STARD13: variants seen among roughly 807,000 people sequenced by gnomAD.
STARD13 encodes StAR related lipid transfer domain containing 13.
In STARD13, 62 loss-of-function variants were observed where a neutral mutation model predicts 106.4. The observed-to-expected ratio is 0.58, with a 90% CI of 0.48 to 0.72. STARD13 has a LOEUF of 0.72. STARD13 is among the 30% of genes least tolerant of loss of function. The pLI, the probability that STARD13 is intolerant of heterozygous loss-of-function variation, is 0.00. For missense variants in STARD13, 1,387 were observed against 1,424.0 expected, an observed-to-expected ratio of 0.97 and a Z score of 0.42; for synonymous variants, 565 against 553.0, an observed-to-expected ratio of 1.02 and a Z score of -0.31.
At chr13:33,460,874 G>T in the STARD13 span, among the ~76,000 whole-genome samples, 1 of 152,266 alleles carries the variant, frequency 6.6e-6, no homozygotes, top group Non-Finnish European at 1.5e-5. Flanking sequence ...AAATGTGTGT[G>T]CTATTCATAC....
the STARD13 span, among the ~76,000 whole-genome samples, chr13:33,443,499 C>A: frequency 2.6e-5 from 4 of 151,936 alleles, no homozygotes; most frequent in African/African-American, 9.7e-5. Context: ...ATTGCAACCC[C>A]GTATATTGAA....
the STARD13 span, among the ~76,000 whole-genome samples, chr13:33,564,949 C>T: frequency 7.3e-6 from 1 of 137,046 alleles, no homozygotes; most frequent in Admixed American, 7.8e-5. Context: ...GCCGAGGTCA[C>T]GCCACTGCAG....
At chr13:33,530,611 T>C in the STARD13 span, among the ~76,000 whole-genome samples, 1 of 152,260 alleles carries the variant, frequency 6.6e-6, no homozygotes, top group East Asian at 1.9e-4. Context: ...TCTGTTTTTC[T>C]GAAAACAAGG....
At chr13:33,186,323 G>A (rs1272668207) in intron 1 of STARD13, among the ~76,000 whole-genome samples, 1 of 152,212 alleles carries the variant, frequency 6.6e-6, no homozygotes, top group Admixed American at 6.5e-5. Flanking sequence ...GGTGGGGTAT[G>A]TTCCACTCAT....
At chr13:33,153,116 C>G (rs969663591) in intron 3 of STARD13, among the ~76,000 whole-genome samples, 2 of 152,120 alleles carry the variant, frequency 1.3e-5, no homozygotes, top group Non-Finnish European at 2.9e-5. Flanking sequence ...CATGAAGATG[C>G]CATCAAGTAA....
chr13:33,242,512 G>A (rs1055512630), intron 1 of STARD13, among the ~76,000 whole-genome samples: 5 of 152,098 alleles, frequency 3.3e-5, no homozygotes, highest in Middle Eastern at 3.2e-3. Flanking sequence ...GATTAAGGGC[G>A]GTGCAAGACG....
the STARD13 span, among the ~76,000 whole-genome samples, chr13:33,432,542 G>T: frequency 6.6e-6 from 1 of 152,108 alleles, no homozygotes; most frequent in African/African-American, 2.4e-5. Flanking sequence ...TGAATTAGTT[G>T]CCAGAGATTA....
chr13:33,409,009 CCT>C, the STARD13 span, among the ~76,000 whole-genome samples: 1 of 151,532 alleles, frequency 6.6e-6, no homozygotes, highest in African/African-American at 2.4e-5. Flanking sequence ...TCTCTCTCTG[CCT>C]CTCTTTTGCT....
At chr13:33,419,786 G>T in the STARD13 span, among the ~76,000 whole-genome samples, 4 of 152,244 alleles carry the variant, frequency 2.6e-5, no homozygotes, top group African/African-American at 9.6e-5. Context: ...AGCCAGAAGA[G>T]AGTGGGGGCC....
intron 1 of STARD13, among the ~76,000 whole-genome samples, chr13:33,205,517 A>G (rs762414596): frequency 3.3e-5 from 5 of 152,146 alleles, no homozygotes; most frequent in Non-Finnish European, 7.4e-5. Context: ...TAGAGAGAGA[A>G]GGAAGGAAGG....
chr13:33,339,815 G>T (rs892393966), intron 1 of STARD13, among the ~76,000 whole-genome samples: 1 of 152,082 alleles, frequency 6.6e-6, no homozygotes, highest in Non-Finnish European at 1.5e-5. Flanking sequence ...GGCTGGGCAC[G>T]GTGGCTCATG....
the STARD13 span, among the ~76,000 whole-genome samples, chr13:33,449,641 T>C: frequency 2.0e-5 from 3 of 152,218 alleles, no homozygotes; most frequent in African/African-American, 4.8e-5. Flanking sequence ...TTGTGAAGAA[T>C]GTCACTGGTA....
chr13:33,433,220 T>G, the STARD13 span, among the ~76,000 whole-genome samples: 1 of 152,212 alleles, frequency 6.6e-6, no homozygotes, highest in Admixed American at 6.5e-5. Flanking sequence ...AAGTTCCTAC[T>G]AAGTATTGTG....
intron 1 of STARD13, among the ~76,000 whole-genome samples, chr13:33,202,457 C>T (rs1887109630): frequency 6.6e-6 from 1 of 152,202 alleles, no homozygotes; most frequent in South Asian, 2.1e-4. Context: ...ATTCACTTGA[C>T]AAACATTACT....
the STARD13 span, among the ~76,000 whole-genome samples, chr13:33,668,195 T>C: frequency 1.3e-5 from 2 of 152,230 alleles, no homozygotes; most frequent in South Asian, 4.1e-4. Context: ...GAAGTTTTTC[T>C]TTTATCAGTT....
intron 1 of STARD13, among the ~76,000 whole-genome samples, chr13:33,267,342 C>A (rs1477109491): frequency 6.6e-6 from 1 of 152,144 alleles, no homozygotes; most frequent in Non-Finnish European, 1.5e-5. Context: ...ACTTTCTGAC[C>A]AAGGGATAGA....
At chr13:33,452,662 G>A in the STARD13 span, among the ~76,000 whole-genome samples, 1 of 152,128 alleles carries the variant, frequency 6.6e-6, no homozygotes, top group Non-Finnish European at 1.5e-5. Flanking sequence ...TCCATTGTCT[G>A]AAATTTAGAT....
chr13:33,532,366 T>A, the STARD13 span, among the ~76,000 whole-genome samples: 1 of 152,220 alleles, frequency 6.6e-6, no homozygotes, highest in Middle Eastern at 3.2e-3. Flanking sequence ...AAAGGATTTT[T>A]AAAAAATTAA....
intron 3 of STARD13, among the ~76,000 whole-genome samples, chr13:33,163,589 C>CAA (rs577772737): frequency 8.6e-4 from 46 of 53,688 alleles, no homozygotes; most frequent in African/African-American, 2.3e-3. Flanking sequence ...GACTCTGTCT[C>CAA]AAAAAAAAAA....
Sources: gnomAD v4.1 joint callset for allele counts (sites outside exome capture counted in the v4.1 genomes callset) on GRCh38, gnomAD v4.1.1 for gene constraint, MANE v1.5 for transcripts, NCBI Gene and HGNC (gene_info 2026-07-23, HGNC 2026-07-21) for gene names.